The following SCAMP4 variants were observed in gnomAD, a reference collection of about 807,000 sequenced individuals.
SCAMP4 encodes secretory carrier membrane protein 4, also known as secretory carrier-associated membrane protein 4.
In SCAMP4, 19 loss-of-function variants were observed where a neutral mutation model predicts 32.1. The ratio of observed to expected loss-of-function variants is 0.59; its 90% CI spans 0.41 to 0.87. The LOEUF is 0.87. SCAMP4 is among the 40% of genes least tolerant of loss of function. The pLI, the probability that SCAMP4 is intolerant of heterozygous loss-of-function variation, is 0.00. For synonymous variants in SCAMP4, 152 were observed against 132.7 expected, an observed-to-expected ratio of 1.15 and a Z score of -1.00; for missense variants, 302 against 309.0, an observed-to-expected ratio of 0.98 and a Z score of 0.17.
At chr19:1,919,076 G>A in intron 5 of SCAMP4, 86 bp downstream of exon 5, 1 of 1,550,070 alleles carries the variant, frequency 6.5e-7, no homozygotes, top group Non-Finnish European at 8.7e-7. Context: ...GCGGCCACCG[G>A]AGCGTGCTGG....
chr19:1,919,997 G>C (rs2013868674), intron 5 of SCAMP4: 1 of 253,920 alleles, frequency 3.9e-6, no homozygotes, highest in African/African-American at 2.3e-5. Flanking sequence ...TTTAGTAAGA[G>C]ACGGGGTTTC....
rs200816420 is a variant in SCAMP4, at chr19:1,924,191, G to A, written c.597G>A (p.Pro199=). The A allele has an allele frequency of 6.6e-5, 106 of 1,610,470 alleles. No homozygotes were observed. The highest frequency in any genetic ancestry group is 5.7e-4 in the African/African-American group (43 of 74,992). ...EWNTGTWRNP[P]SREAQYNNFS... Reference sequence around the variant, plus strand: ...ACACGGGCACTTGGCGGAACCCACCGTCGAGGGAGGCCCAGTACAACAACT... The same window carrying A: ...ACACGGGCACTTGGCGGAACCCACCATCGAGGGAGGCCCAGTACAACAACT... Residue 199 remains proline (P), a synonymous_variant, in exon 7 of 7, where the codon CCG becomes CCA. Coordinates refer to ENST00000316097, the MANE Select transcript of SCAMP4 (RefSeq NM_079834.4).
At chr19:1,923,825 C>A (rs2014002625) in intron 6 of SCAMP4, among the ~76,000 whole-genome samples, 1 of 124,114 alleles carries the variant, frequency 8.1e-6, no homozygotes, top group Non-Finnish European at 1.6e-5. Flanking sequence ...CAGGTTTTCA[C>A]CGTGTTAGCC....
At chr19:1,907,282 C>G (rs1312482000) in intron 1 of SCAMP4, 5 of 151,902 alleles carry the variant, frequency 3.3e-5, no homozygotes, top group African/African-American at 1.2e-4. Context: ...CCCAGCCTTC[C>G]AGGCTGGGCT....
chr19:1,912,547 A>G, intron 1 of SCAMP4: 1 of 1,500,754 alleles, frequency 6.7e-7, no homozygotes, highest in Non-Finnish European at 8.8e-7. Context: ...ACGTCCTTCC[A>G]CGAGGACAAG....
Position 1,925,860 on chromosome 19 carries a change from C to G in SCAMP4, c.*1576C>G, listed in dbSNP as rs1242510226. ...AGTCTGCCAAGAGGCACCCCCTTCC[C>G]CAGCCTCTCGCCTGCACTGATGCAG... On this transcript the variant is annotated 3_prime_UTR_variant, in exon 7 of 7. Coordinates refer to ENST00000316097, the MANE Select transcript of SCAMP4 (RefSeq NM_079834.4). 1 of 152,640 alleles carries G rather than the reference C, an allele frequency of 6.6e-6. No homozygotes were observed. The highest frequency in any genetic ancestry group is 2.4e-5 in the African/African-American group (1 of 41,430). The allele number at this position is 152,640 out of a possible 1,614,324, so 9.5% of individuals were successfully genotyped here.
rs930140869 is a variant in SCAMP4, at chr19:1,922,004, G to A, written c.396-1066G>A. On this transcript the variant is annotated intron_variant, in intron 5 of 6. Coordinates refer to ENST00000316097, the MANE Select transcript of SCAMP4 (RefSeq NM_079834.4). Reference sequence around the variant, plus strand: ...CTCCCCGGACACATCCGGGGGTGTGGGTCCTGCGGGCTGCCTGTGCACCAG... The same window carrying A: ...CTCCCCGGACACATCCGGGGGTGTGAGTCCTGCGGGCTGCCTGTGCACCAG... The A allele has an allele frequency of 1.2e-5, 12 of 985,360 alleles. No individual in the cohort carries two copies. The African/African-American group carries it at 1.6e-4, about 13-fold the overall frequency. The allele number at this position is 985,360 out of a possible 1,614,324, so 61.0% of individuals were successfully genotyped here.
chr19:1,912,900 G>A, intron 1 of SCAMP4: 1 of 1,608,424 alleles, frequency 6.2e-7, no homozygotes, highest in East Asian at 2.2e-5. Context: ...GCGTAAACTG[G>A]ACGCAGACGA....
At chr19:1,917,923 T>C in intron 3 of SCAMP4, 101 bp downstream of exon 3, 1 of 1,508,928 alleles carries the variant, frequency 6.6e-7, no homozygotes, top group Non-Finnish European at 9.1e-7. Context: ...GCCCACCGTC[T>C]ACTGAAGCCG....
intron 1 of SCAMP4, chr19:1,913,538 A>C: frequency 4.3e-6 from 1 of 233,838 alleles, no homozygotes; most frequent in Non-Finnish European, 8.3e-6. Context: ...GCCGGAGGGG[A>C]CCTGCTGAGC....
At chr19:1,922,487 G>C (rs539294963) in intron 5 of SCAMP4, 1 of 949,388 alleles carries the variant, frequency 1.1e-6, no homozygotes, top group Non-Finnish European at 1.3e-6. Context: ...CGCCCGCCTC[G>C]GCCTCCCAAA....
rs111426560 is a variant in SCAMP4, at chr19:1,907,391, T to TA, written c.-42+1966dup. Among the ~76,000 whole-genome samples the TA allele has an allele frequency of 6.0e-3, 817 of 137,294 alleles. 6 individuals are homozygous for TA. Among genetic ancestry groups the TA allele is most frequent in the African/African-American group, 0.017 (630 of 36,768 alleles). The allele number at this position is 137,294 out of a possible 152,430, so 90.1% of individuals were successfully genotyped here. A position where few individuals can be genotyped will look rare whatever the true frequency, so the allele number is the denominator to read the frequency against. On this transcript the variant is annotated intron_variant, in intron 1 of 6. Coordinates refer to ENST00000316097, the MANE Select transcript of SCAMP4 (RefSeq NM_079834.4). ...TCTTATGTACCTGACAGCCCTGCCT[T>TA]AAAAAAAAAAAAAAGGTAGAGCAGG... is the stretch of plus-strand genomic sequence containing the variant.
At chr19:1,918,658 A>C in intron 4 of SCAMP4, 1 of 620,138 alleles carries the variant, frequency 1.6e-6, no homozygotes, top group Non-Finnish European at 2.6e-6. Context: ...GCTACTCAGG[A>C]GGCTGAGGCA....
At chr19:1,916,288 A>C (rs1225359000) in intron 2 of SCAMP4, among the ~76,000 whole-genome samples, 1 of 151,394 alleles carries the variant, frequency 6.6e-6, no homozygotes, top group Non-Finnish European at 1.5e-5. Flanking sequence ...GTGGAGATGG[A>C]GGCAGAGGCC....
chr19:1,910,361 T>C (rs7248579), intron 1 of SCAMP4, among the ~76,000 whole-genome samples: 25,784 of 152,112 alleles, frequency 0.17, 2,510 homozygotes, highest in East Asian at 0.26. Context: ...GCGCCGCCTG[T>C]CCCCGCTTCT....
At chr19:1,918,323 A>G in intron 4 of SCAMP4, 40 bp downstream of exon 4, 4 of 1,535,864 alleles carry the variant, frequency 2.6e-6, no homozygotes, top group African/African-American at 1.4e-5. Context: ...CCCAGAGGGA[A>G]CCAGGGCCCA....
intron 1 of SCAMP4, chr19:1,913,031 G>C: frequency 6.2e-7 from 1 of 1,604,138 alleles, no homozygotes; most frequent in Non-Finnish European, 8.5e-7. Flanking sequence ...GTGCGCCCTC[G>C]CCCGACGGCG....
Position 1,914,939 on chromosome 19 carries a change from G to A in SCAMP4, c.-41-40G>A, listed in dbSNP as rs777901506. The stretch of plus-strand genomic sequence containing the variant: ...GTGGGTGGTTAGCGCTCTGCCCAGG[G>A]CAGCTCAGGGTTCCCTGACTGTGGT... On this transcript the variant is annotated intron_variant, in intron 1 of 6. Coordinates refer to ENST00000316097, the MANE Select transcript of SCAMP4 (RefSeq NM_079834.4). The A allele has an allele frequency of 6.5e-5, 102 of 1,558,222 alleles. 1 individual carries two copies. The South Asian group carries it at 9.7e-4, about 15-fold the overall frequency.
At chr19:1,911,984 T>C (rs2013475349) in intron 1 of SCAMP4, 2 of 1,411,962 alleles carry the variant, frequency 1.4e-6, no homozygotes, top group Non-Finnish European at 1.8e-6. Context: ...ACGCCCTGCC[T>C]TGTGGAGCCA....
Sources: allele counts gnomAD v4.1 joint callset (sites outside exome capture counted in the v4.1 genomes callset), GRCh38; gene constraint gnomAD v4.1.1; transcripts MANE v1.5; gene names NCBI Gene and HGNC (gene_info 2026-07-23, HGNC 2026-07-21).